Variants in GRM5 observed in about 807,000 individuals in gnomAD.
The protein encoded by GRM5 is glutamate metabotropic receptor 5.
In GRM5, 19 loss-of-function variants were observed where a neutral mutation model predicts 83.1. The ratio of observed to expected loss-of-function variants is 0.23; its 90% CI spans 0.16 to 0.34. GRM5 has a LOEUF of 0.34. GRM5 is among the 10% of genes least tolerant of loss of function. The pLI, the probability that GRM5 is intolerant of heterozygous loss-of-function variation, is 1.00. For missense variants in GRM5, 1,160 were observed against 1,588.3 expected, an observed-to-expected ratio of 0.73 and a Z score of 4.58; for synonymous variants, 675 against 633.6, an observed-to-expected ratio of 1.07 and a Z score of -0.98.
In GRM5 at chr11:88,998,135, G is replaced by T. The variant is rs530286949; in HGVS notation, c.661+49077C>A. On this transcript the variant is annotated intron_variant, in intron 2 of 9. Coordinates refer to ENST00000305447, the MANE Select transcript of GRM5 (RefSeq NM_001143831.3). Reference sequence around the variant, plus strand: ...AGAAGGAAGGAAGGAAGGAAGAGGGGGAGGGAGGGAGAAACTACCTTGCAA... The same window carrying T: ...AGAAGGAAGGAAGGAAGGAAGAGGGTGAGGGAGGGAGAAACTACCTTGCAA... Among the ~76,000 whole-genome samples the T allele has an allele frequency of 5.0e-4, 75 of 149,598 alleles. 1 individual carries two copies. The highest frequency in any genetic ancestry group is 1.7e-3 in the African/African-American group (71 of 40,780).
rs76193268 is a variant in GRM5 at position 88,770,697 on chromosome 11, G to A, written c.911+79209C>T. Among the ~76,000 whole-genome samples, 1,179 of 152,214 alleles carry A rather than the reference G, an allele frequency of 7.7e-3. 16 individuals are homozygous for A. The highest frequency in any genetic ancestry group is 0.027 in the African/African-American group (1,142 of 41,548). On this transcript the variant is annotated intron_variant, in intron 3 of 9. Transcript: ENST00000305447. ...AACAGAATTTTATCACATGAAAGGA[G>A]TAACAGGAATATGCTTCCAGAAAAG...
At chr11:88,518,132 C>G (rs1246626418) in intron 9 of GRM5, among the ~76,000 whole-genome samples, 1 of 151,584 alleles carries the variant, frequency 6.6e-6, no homozygotes, top group African/African-American at 2.4e-5. Flanking sequence ...AGAAAAGAGA[C>G]TGTTCAATTT....
chr11:88,915,810 T>A (rs915076290), intron 2 of GRM5, among the ~76,000 whole-genome samples: 8 of 152,268 alleles, frequency 5.3e-5, no homozygotes, highest in African/African-American at 1.9e-4. Context: ...AGGAAGAGGC[T>A]TGATAACTAG....
chr11:88,791,733 T>C (rs1205847299), intron 3 of GRM5, among the ~76,000 whole-genome samples: 2 of 152,180 alleles, frequency 1.3e-5, no homozygotes, highest in Admixed American at 1.3e-4. Context: ...ACTCTATCAA[T>C]ATTTTAAAAG....
At chr11:88,713,301 G>A (rs1228977426) in intron 3 of GRM5, among the ~76,000 whole-genome samples, 1 of 152,046 alleles carries the variant, frequency 6.6e-6, no homozygotes, top group African/African-American at 2.4e-5. Context: ...CAGATATAGA[G>A]TAAGAACTTT....
chr11:88,547,734 C>T (rs1942417125), intron 8 of GRM5, among the ~76,000 whole-genome samples: 1 of 152,144 alleles, frequency 6.6e-6, no homozygotes, highest in South Asian at 2.1e-4. Flanking sequence ...CATGGGTTCA[C>T]ATCAGCTCAA....
intron 2 of GRM5, among the ~76,000 whole-genome samples, chr11:89,029,339 T>C (rs1941206360): frequency 1.3e-5 from 2 of 152,204 alleles, no homozygotes; most frequent in South Asian, 4.1e-4. Flanking sequence ...AATCATTCAA[T>C]ATAATAGGAA....
chr11:88,770,120 G>A (rs539571327), intron 3 of GRM5, among the ~76,000 whole-genome samples: 2 of 152,002 alleles, frequency 1.3e-5, no homozygotes, highest in African/African-American at 4.8e-5. Flanking sequence ...TCTCAATTTG[G>A]AGACATTCTA....
chr11:88,700,827 G>T (rs1447131438), intron 3 of GRM5, among the ~76,000 whole-genome samples: 1 of 152,118 alleles, frequency 6.6e-6, no homozygotes, highest in Admixed American at 6.6e-5. Flanking sequence ...GCTCTTCAAG[G>T]TACAACTGAG....
intron 3 of GRM5, among the ~76,000 whole-genome samples, chr11:88,816,276 C>T (rs1263654862): frequency 7.0e-6 from 1 of 143,518 alleles, no homozygotes; most frequent in African/African-American, 2.6e-5. Context: ...TGCAGTGGCT[C>T]ATGCCTGTAA....
In GRM5 at chr11:88,599,544, G is replaced by C. The variant is rs117463161; in HGVS notation, c.1395-2192C>G. 9.7e-3 allele frequency among the ~76,000 whole-genome samples: 1,474 copies of C among 152,282 alleles called. 17 individuals are homozygous for C. The highest frequency in any genetic ancestry group is 0.065 in the East Asian group (339 of 5,180). On this transcript the variant is annotated intron_variant, in intron 5 of 9. Transcript: ENST00000305447. ...CTCCCGTTGACTTGTGAATTGGTAT[G>C]AGCCCTTTTAATTTTCAGAGATAGA...
At chr11:88,976,268 G>T (rs1160881671) in intron 2 of GRM5, among the ~76,000 whole-genome samples, 1 of 152,134 alleles carries the variant, frequency 6.6e-6, no homozygotes. Context: ...ATAAAATTGT[G>T]ACCAAGTTGG....
intron 9 of GRM5, among the ~76,000 whole-genome samples, chr11:88,519,433 TG>T (rs139164515): frequency 0.15 from 22,796 of 151,962 alleles, 1,901 homozygotes; most frequent in African/African-American, 0.19. Context: ...ATTTTTTTCC[TG>T]GGTGGCTGAT....
chr11:88,820,225 C>CAAAA (rs58683518), intron 3 of GRM5, among the ~76,000 whole-genome samples: 4 of 135,838 alleles, frequency 2.9e-5, no homozygotes, highest in African/African-American at 7.8e-5. Context: ...CTAAAAAATA[C>CAAAA]AAAAAAAAAA....
intron 3 of GRM5, among the ~76,000 whole-genome samples, chr11:88,830,343 TGAGA>T (rs1943966648): frequency 6.9e-6 from 1 of 144,234 alleles, no homozygotes; most frequent in Non-Finnish European, 1.5e-5. Context: ...AAAATAAAAG[TGAGA>T]GAGAGAGGCT....
At chr11:88,967,244 TAC>T (rs1196753811) in intron 2 of GRM5, among the ~76,000 whole-genome samples, 10 of 118,970 alleles carry the variant, frequency 8.4e-5, no homozygotes, top group Non-Finnish European at 1.4e-4. Flanking sequence ...TATATATATA[TAC>T]ACATATATAT....
chr11:88,862,030 C>G (rs1944573185), intron 2 of GRM5, among the ~76,000 whole-genome samples: 1 of 152,138 alleles, frequency 6.6e-6, no homozygotes, highest in Admixed American at 6.6e-5. Context: ...TGAGCATCCA[C>G]TATGAATCAT....
chr11:88,805,979 C>T (rs987850509), intron 3 of GRM5, among the ~76,000 whole-genome samples: 1 of 152,118 alleles, frequency 6.6e-6, no homozygotes, highest in Admixed American at 6.5e-5. Flanking sequence ...CAGACTCTTC[C>T]AGAGGCAGCT....
intron 2 of GRM5, among the ~76,000 whole-genome samples, chr11:88,976,554 A>G (rs865806680): frequency 1.3e-5 from 2 of 152,158 alleles, no homozygotes; most frequent in African/African-American, 2.4e-5. Flanking sequence ...GGCAAAAAAA[A>G]AAAATGAATT....
Sources: allele counts gnomAD v4.1 joint callset (sites outside exome capture counted in the v4.1 genomes callset), GRCh38; gene constraint gnomAD v4.1.1; transcripts MANE v1.5; gene names NCBI Gene and HGNC (gene_info 2026-07-23, HGNC 2026-07-21).